The following TENM4 variants were observed in gnomAD, a reference collection of about 807,000 sequenced individuals.
TENM4 encodes teneurin transmembrane protein 4, also known as teneurin-4.
A neutral mutation model predicts 243.3 loss-of-function variants in TENM4; 82 were observed. The ratio of observed to expected loss-of-function variants is 0.34; its 90% CI spans 0.28 to 0.40. The LOEUF is 0.40. TENM4 is among the 10% of genes least tolerant of loss of function. TENM4 has a pLI of 1.00. For missense variants in TENM4, 3,138 were observed against 3,673.3 expected (o/e 0.85, Z 3.77); for synonymous variants, 1,412 against 1,456.3 (o/e 0.97, Z 0.69).
intron 3 of TENM4, among the ~76,000 whole-genome samples, chr11:79,174,180 C>A (rs1863110416): frequency 6.6e-6 from 1 of 152,122 alleles, no homozygotes; most frequent in Non-Finnish European, 1.5e-5. Context: ...CTCCCCGCCC[C>A]CACAGCTTAT....
chr11:78,874,796 T>A (rs567815015), intron 9 of TENM4, among the ~76,000 whole-genome samples: 5 of 152,146 alleles, frequency 3.3e-5, no homozygotes, highest in African/African-American at 1.2e-4. Flanking sequence ...TGGTAAAATT[T>A]GAGACAATGT....
chr11:79,232,991 G>C (rs17137909), intron 2 of TENM4, among the ~76,000 whole-genome samples: 25,413 of 152,114 alleles, frequency 0.17, 4,398 homozygotes, highest in African/African-American at 0.43. Flanking sequence ...TCTCTGCCTT[G>C]CCAGGAACCA....
chr11:79,334,476 T>C (rs577821833), intron 1 of TENM4, among the ~76,000 whole-genome samples: 2 of 152,316 alleles, frequency 1.3e-5, no homozygotes, highest in Admixed American at 6.5e-5. Context: ...CTGAGCACTT[T>C]CTAACACAGG....
In TENM4 at chr11:78,770,066, A is replaced by G. The variant is rs534970874; in HGVS notation, c.2539+926T>C. On this transcript the variant is annotated intron_variant, in intron 18 of 33. Coordinates refer to ENST00000278550, the MANE Select transcript of TENM4 (RefSeq NM_001098816.3). Reference sequence around the variant, plus strand: ...GAGCCACATAGACTTGTTGGGACTAAGCCAATTGTTAGGCCATCACTAGGA... The same window carrying G: ...GAGCCACATAGACTTGTTGGGACTAGGCCAATTGTTAGGCCATCACTAGGA... 2.0e-5 allele frequency among the ~76,000 whole-genome samples: 3 copies of G among 152,346 alleles called. No individual in the cohort carries two copies. The South Asian group carries it at 6.2e-4, about 32-fold the overall frequency.
chr11:79,138,737 CATAAAACATACATTATATTTATA>C (rs1862177025), intron 4 of TENM4, among the ~76,000 whole-genome samples: 1 of 103,916 alleles, frequency 9.6e-6, no homozygotes, highest in Non-Finnish European at 1.8e-5. Flanking sequence ...TATATAAATA[CATAAAACATACATTATATTTATA>C]TAAATACATA....
At chr11:78,789,114 A>C (rs1414876875) in intron 15 of TENM4, among the ~76,000 whole-genome samples, 2 of 152,198 alleles carry the variant, frequency 1.3e-5, no homozygotes, top group Non-Finnish European at 2.9e-5. Context: ...CCGGGTACCA[A>C]GCACAGATCC....
At chr11:78,695,955 T>C (rs1858950229) in intron 28 of TENM4, among the ~76,000 whole-genome samples, 2 of 151,756 alleles carry the variant, frequency 1.3e-5, no homozygotes, top group Non-Finnish European at 2.9e-5. Context: ...TTCTCTGCCA[T>C]TATTTCCTCA....
At chr11:79,126,043 C>T (rs1044479635) in intron 4 of TENM4, among the ~76,000 whole-genome samples, 4 of 152,080 alleles carry the variant, frequency 2.6e-5, no homozygotes, top group Non-Finnish European at 4.4e-5. Flanking sequence ...GATTTGGGCC[C>T]ACTAAGTAGG....
At chr11:79,419,502 G>A (rs947633328) in intron 1 of TENM4, among the ~76,000 whole-genome samples, 1 of 152,216 alleles carries the variant, frequency 6.6e-6, no homozygotes, top group African/African-American at 2.4e-5. Flanking sequence ...GTAAGTCAGG[G>A]ATGGATAGTG....
chr11:79,275,432 C>T (rs79267061), intron 2 of TENM4, among the ~76,000 whole-genome samples: 1,535 of 152,328 alleles, frequency 0.01, 22 homozygotes, highest in African/African-American at 0.036. Flanking sequence ...TCTGTGCCAG[C>T]CCAGAAATGC....
intron 28 of TENM4, among the ~76,000 whole-genome samples, chr11:78,690,077 TCTC>T (rs1858781864): frequency 6.6e-6 from 1 of 151,218 alleles, no homozygotes; most frequent in African/African-American, 2.4e-5. Context: ...TGCCATGATT[TCTC>T]CTTTCTCTTT....
At chr11:78,892,539 A>G (rs641043) in intron 7 of TENM4, among the ~76,000 whole-genome samples, 33,250 of 152,106 alleles carry the variant, frequency 0.22, 3,957 homozygotes, top group Middle Eastern at 0.31. Context: ...CTTCATGTAA[A>G]AAGGGATTAC....
chr11:79,006,263 C>A lies in TENM4; in HGVS notation c.493+58475G>T, dbSNP rs371031100. Reference sequence around the variant, plus strand: ...TTCTACCTTCAGTTAGAAATTGCAACCCCAAGAAAATGGGTGGCACCTTAC... The same window carrying A: ...TTCTACCTTCAGTTAGAAATTGCAAACCCAAGAAAATGGGTGGCACCTTAC... On this transcript the variant is annotated intron_variant, in intron 6 of 33. Transcript: ENST00000278550. Among the ~76,000 whole-genome samples, 39 of 152,268 alleles carry A rather than the reference C, an allele frequency of 2.6e-4. No individual in the cohort carries two copies. In the South Asian group the frequency reaches 7.5e-3, roughly 29 times the overall value.
intron 2 of TENM4, among the ~76,000 whole-genome samples, chr11:79,280,326 A>G (rs1856134748): frequency 6.6e-6 from 1 of 152,142 alleles, no homozygotes; most frequent in Admixed American, 6.5e-5. Flanking sequence ...ATCTCCCCAC[A>G]GCAAGTGGCT....
intron 4 of TENM4, among the ~76,000 whole-genome samples, chr11:79,078,575 C>T (rs981937592): frequency 6.6e-6 from 1 of 152,132 alleles, no homozygotes; most frequent in African/African-American, 2.4e-5. Context: ...AAGTGATGCT[C>T]AAGTTCACAC....
chr11:79,099,147 G>T (rs939173837), intron 4 of TENM4, among the ~76,000 whole-genome samples: 4 of 152,110 alleles, frequency 2.6e-5, no homozygotes, highest in African/African-American at 4.8e-5. Flanking sequence ...TGTTGGAGGA[G>T]CTCCGTTCCT....
chr11:79,419,497 T>C (rs1858886319), intron 1 of TENM4, among the ~76,000 whole-genome samples: 1 of 152,166 alleles, frequency 6.6e-6, no homozygotes, highest in South Asian at 2.1e-4. Context: ...GTCTAGTAAG[T>C]CAGGGATGGA....
chr11:78,779,676 C>T (rs1856804820), intron 16 of TENM4, among the ~76,000 whole-genome samples: 2 of 152,144 alleles, frequency 1.3e-5, no homozygotes, highest in Admixed American at 1.3e-4. Context: ...GTGTGTTCTG[C>T]AAAGGCCGGG....
intron 12 of TENM4, among the ~76,000 whole-genome samples, chr11:78,838,550 C>G (rs535629358): frequency 5.9e-5 from 9 of 152,010 alleles, no homozygotes; most frequent in African/African-American, 2.2e-4. Context: ...CTCTTTAATC[C>G]GTCTGAAATT....
Sources: gnomAD v4.1 joint callset for allele counts (sites outside exome capture counted in the v4.1 genomes callset) on GRCh38, gnomAD v4.1.1 for gene constraint, MANE v1.5 for transcripts, NCBI Gene and HGNC (gene_info 2026-07-23, HGNC 2026-07-21) for gene names.